Variants in WDFY2 observed in about 807,000 individuals in gnomAD.
WDFY2 encodes WD repeat and FYVE domain containing 2.
WDFY2 carries 36 observed loss-of-function variants against 56.4 expected under a neutral mutation model. The observed-to-expected ratio is 0.64, with a 90% confidence interval of 0.49 to 0.84. The LOEUF (loss-of-function observed/expected upper bound fraction) is 0.84, where lower values mean the gene tolerates loss of function less well. Among genes scored for constraint, WDFY2 ranks in the 40% least tolerant of loss-of-function variants. The pLI is 0.00. For missense variants in WDFY2, 444 were observed against 512.2 expected (o/e 0.87, Z 1.29); for synonymous variants, 176 against 183.7 (o/e 0.96, Z 0.34).
intron 1 of WDFY2, among the ~76,000 whole-genome samples, chr13:51,611,639 G>A (rs1489490102): frequency 1.3e-5 from 2 of 152,080 alleles, no homozygotes; most frequent in African/African-American, 2.4e-5. Flanking sequence ...TTTTGTTTAG[G>A]TATTTACCCC....
At chr13:51,729,442 C>T (rs971912671) in intron 6 of WDFY2, among the ~76,000 whole-genome samples, 1 of 151,656 alleles carries the variant, frequency 6.6e-6, no homozygotes, top group Non-Finnish European at 1.5e-5. Flanking sequence ...ATATTTCTTG[C>T]CCACTGTATA....
chr13:51,746,572 C>T (rs190719498), intron 7 of WDFY2, among the ~76,000 whole-genome samples: 13 of 152,262 alleles, frequency 8.5e-5, no homozygotes, highest in South Asian at 6.2e-4. Context: ...TTATATCTTG[C>T]GGATAGATTC....
intron 2 of WDFY2, among the ~76,000 whole-genome samples, chr13:51,673,901 A>G (rs2138498729): frequency 6.6e-6 from 1 of 152,318 alleles, no homozygotes; most frequent in East Asian, 1.9e-4. Context: ...TTTTCTGAAT[A>G]TATCATGATA....
chr13:51,635,773 T>G (rs1180398975), intron 1 of WDFY2, among the ~76,000 whole-genome samples: 1 of 152,214 alleles, frequency 6.6e-6, no homozygotes, highest in Non-Finnish European at 1.5e-5. Flanking sequence ...GATTAAATGA[T>G]ACAAAGCAAA....
chr13:51,721,150 C>T (rs549527304), intron 5 of WDFY2, among the ~76,000 whole-genome samples: 1 of 152,280 alleles, frequency 6.6e-6, no homozygotes, highest in East Asian at 1.9e-4. Flanking sequence ...GTCTACACTA[C>T]CCTCATTTTA....
At chr13:51,639,407 C>A (rs904260513) in intron 1 of WDFY2, among the ~76,000 whole-genome samples, 2 of 152,108 alleles carry the variant, frequency 1.3e-5, no homozygotes, top group Non-Finnish European at 2.9e-5. Context: ...AGACTTTTTT[C>A]AGCCATTTAT....
chr13:51,594,990 T>G (rs1954118689), intron 1 of WDFY2, among the ~76,000 whole-genome samples: 1 of 152,194 alleles, frequency 6.6e-6, no homozygotes, highest in African/African-American at 2.4e-5. Flanking sequence ...CTTTTTTTTG[T>G]TTTTGTAGAG....
At chr13:51,751,604 G>A (rs1380222319) in intron 8 of WDFY2, 189 bp downstream of exon 8, 1 of 584,848 alleles carries the variant, frequency 1.7e-6, no homozygotes, top group East Asian at 3.5e-5. Flanking sequence ...TTACTGTGAT[G>A]GAGAGTTCAT....
In WDFY2 at chr13:51,610,254, TG is replaced by T. The variant is rs760271321; in HGVS notation, c.137+25436del. 2.5e-3 allele frequency among the ~76,000 whole-genome samples: 348 copies of T among 140,136 alleles called. 5 individuals carry two copies. The highest frequency in any genetic ancestry group is 0.015 in the Middle Eastern group (4 of 272). The allele number at this position is 140,136 out of a possible 152,430, so 91.9% of individuals were successfully genotyped here. On this transcript the variant is annotated intron_variant, in intron 1 of 11. Coordinates refer to ENST00000298125, the MANE Select transcript of WDFY2 (RefSeq NM_052950.4). ...CTTATTTGACTGTTTTTTTTTTTTT[TG>T]GGGGGCTAAAAGCCCACCATCTATC...
chr13:51,653,207 G>A (rs1401861393), intron 1 of WDFY2, among the ~76,000 whole-genome samples: 1 of 152,132 alleles, frequency 6.6e-6, no homozygotes, highest in Non-Finnish European at 1.5e-5. Flanking sequence ...CGGCTACTGA[G>A]GCTTGTGCAT....
chr13:51,653,175 T>C (rs992367081), intron 1 of WDFY2, among the ~76,000 whole-genome samples: 2 of 152,208 alleles, frequency 1.3e-5, no homozygotes, highest in African/African-American at 2.4e-5. Context: ...TCACTGATAC[T>C]CTTTCTTCCA....
intron 3 of WDFY2, among the ~76,000 whole-genome samples, chr13:51,694,554 G>C (rs969295508): frequency 9.2e-5 from 14 of 152,220 alleles, no homozygotes; most frequent in African/African-American, 3.4e-4. Context: ...GAGATCCGCT[G>C]TTAGTCTGAT....
chr13:51,702,973 C>T (rs1184676752), intron 3 of WDFY2, among the ~76,000 whole-genome samples: 1 of 152,116 alleles, frequency 6.6e-6, no homozygotes, highest in Non-Finnish European at 1.5e-5. Context: ...GTGTCCCCAC[C>T]AAGGGTATAT....
chr13:51,737,345 G>C (rs9535744), intron 6 of WDFY2, among the ~76,000 whole-genome samples: 19,757 of 152,012 alleles, frequency 0.13, 1,495 homozygotes, highest in South Asian at 0.21. Context: ...TCATATGCCT[G>C]TTTAATCTGC....
intron 1 of WDFY2, among the ~76,000 whole-genome samples, chr13:51,655,834 A>G (rs1955498799): frequency 6.6e-6 from 1 of 151,994 alleles, no homozygotes; most frequent in African/African-American, 2.4e-5. Context: ...TTCAATCTCT[A>G]CTTGTAATAG....
At chr13:51,631,900 T>C (rs1954960104) in intron 1 of WDFY2, among the ~76,000 whole-genome samples, 1 of 152,244 alleles carries the variant, frequency 6.6e-6, no homozygotes, top group Non-Finnish European at 1.5e-5. Context: ...TCTTTTACTT[T>C]CTTGAGTTTT....
chr13:51,692,379 A>C (rs1181580652), intron 3 of WDFY2, among the ~76,000 whole-genome samples: 1 of 152,140 alleles, frequency 6.6e-6, no homozygotes, highest in Non-Finnish European at 1.5e-5. Context: ...TCAATACCTA[A>C]TTTACTGAGA....
In WDFY2 at chr13:51,758,198, A is replaced by G. The variant is rs771486346; in HGVS notation, c.1071A>G (p.Ala357=). The G allele has an allele frequency of 6.4e-7, 1 of 1,571,906 alleles. No individual in the cohort carries two copies. Among genetic ancestry groups the G allele is most frequent in the East Asian group, 2.3e-5 (1 of 44,306 alleles). The change falls in exon 11 of 12, where the codon GCA becomes GCG. Residue 357 remains alanine, a synonymous_variant. Transcript: ENST00000298125. Reference sequence around the variant, plus strand: ...CTTTCTTTGCTCCTTCTAGACGTGCACCCACAGCCACCTTCCATGACAGTA... The same window carrying G: ...CTTTCTTTGCTCCTTCTAGACGTGCGCCCACAGCCACCTTCCATGACAGTA... ...CHEAITDEER[A]PTATFHDSKH...
At chr13:51,740,857 C>T (rs1234798529) in intron 7 of WDFY2, among the ~76,000 whole-genome samples, 1 of 152,140 alleles carries the variant, frequency 6.6e-6, no homozygotes, top group African/African-American at 2.4e-5. Flanking sequence ...TCACTGGACT[C>T]ATTCATTTCA....
Sources: allele counts gnomAD v4.1 joint callset (sites outside exome capture counted in the v4.1 genomes callset), GRCh38; gene constraint gnomAD v4.1.1; transcripts MANE v1.5; gene names NCBI Gene and HGNC (gene_info 2026-07-23, HGNC 2026-07-21).